Variants in AGBL1 observed in about 807,000 individuals in gnomAD.
The protein encoded by AGBL1 is cytosolic carboxypeptidase 4.
AGBL1 carries 130 observed loss-of-function variants against 118.9 expected under a neutral mutation model. The ratio of observed to expected loss-of-function variants is 1.09; its 90% CI spans 0.95 to 1.26. AGBL1 has a LOEUF of 1.26. Among genes scored for constraint, AGBL1 ranks in the 50% most tolerant of loss-of-function variants. AGBL1 has a pLI of 0.00. For synonymous variants in AGBL1, 555 were observed against 478.9 expected, an observed-to-expected ratio of 1.16 and a Z score of -2.08; for missense variants, 1,584 against 1,298.1, an observed-to-expected ratio of 1.22 and a Z score of -3.38.
intron 18 of AGBL1, among the ~76,000 whole-genome samples, chr15:86,510,312 C>A (rs983340275): frequency 6.6e-6 from 1 of 151,218 alleles, no homozygotes; most frequent in Non-Finnish European, 1.5e-5. Flanking sequence ...TCTAGAGACA[C>A]ATTTTGGCTT....
chr15:86,968,546 A>C (rs145574884), intron 23 of AGBL1, among the ~76,000 whole-genome samples: 334 of 151,978 alleles, frequency 2.2e-3, no homozygotes, highest in African/African-American at 7.7e-3. Flanking sequence ...TCTTGGAAGC[A>C]AAATGATCTT....
intron 24 of AGBL1, among the ~76,000 whole-genome samples, chr15:86,991,850 A>T (rs1436243074): frequency 6.6e-6 from 1 of 152,210 alleles, no homozygotes; most frequent in African/African-American, 2.4e-5. Flanking sequence ...AGGACTTGGA[A>T]TCAAGCATTT....
At chr15:86,848,661 G>A (rs1045346647) in intron 22 of AGBL1, among the ~76,000 whole-genome samples, 2 of 152,142 alleles carry the variant, frequency 1.3e-5, no homozygotes, top group African/African-American at 2.4e-5. Flanking sequence ...CCAATAGGCA[G>A]CAATGAGAGT....
At chr15:86,812,530 C>T (rs1198967128) in intron 22 of AGBL1, among the ~76,000 whole-genome samples, 1 of 152,154 alleles carries the variant, frequency 6.6e-6, no homozygotes, top group East Asian at 1.9e-4. Context: ...ATCAGGATAT[C>T]CTGTATTTCC....
chr15:86,510,610 G>T (rs1411805085), intron 18 of AGBL1, among the ~76,000 whole-genome samples: 1 of 152,052 alleles, frequency 6.6e-6, no homozygotes, highest in Non-Finnish European at 1.5e-5. Context: ...TAATGTTAAT[G>T]ATTTGGAACA....
At chr15:86,522,126 G>C (rs2083197089) in intron 18 of AGBL1, among the ~76,000 whole-genome samples, 1 of 152,066 alleles carries the variant, frequency 6.6e-6, no homozygotes, top group African/African-American at 2.4e-5. Flanking sequence ...TGGTACTTTT[G>C]AATACGAACA....
At chr15:86,202,330 A>G (rs374830022) in intron 5 of AGBL1, among the ~76,000 whole-genome samples, 7 of 152,110 alleles carry the variant, frequency 4.6e-5, no homozygotes, top group African/African-American at 1.7e-4. Context: ...TGTGTTAGGC[A>G]CAGGAGGAAG....
intron 22 of AGBL1, among the ~76,000 whole-genome samples, chr15:86,681,695 T>G (rs759971413): frequency 6.6e-6 from 1 of 152,228 alleles, no homozygotes; most frequent in Non-Finnish European, 1.5e-5. Flanking sequence ...TAAGCCCTTT[T>G]ATGGTCTAGC....
At chr15:86,095,217 T>A (rs549173821) in intron 1 of AGBL1, among the ~76,000 whole-genome samples, 9 of 152,310 alleles carry the variant, frequency 5.9e-5, no homozygotes, top group Non-Finnish European at 1.2e-4. Context: ...GGAAGTACTC[T>A]GAACCCCATC....
intron 1 of AGBL1, among the ~76,000 whole-genome samples, chr15:86,112,578 T>A (rs943518558): frequency 7.2e-5 from 11 of 152,226 alleles, no homozygotes; most frequent in African/African-American, 2.4e-4. Context: ...GCAAATAAGA[T>A]GTTTGTCTCC....
intron 17 of AGBL1, among the ~76,000 whole-genome samples, chr15:86,389,500 G>C (rs1226096021): frequency 6.6e-6 from 1 of 152,184 alleles, no homozygotes; most frequent in East Asian, 1.9e-4. Flanking sequence ...ACTGCCAGCA[G>C]ATTCATATCA....
At chr15:86,330,782 CAG>C (rs79933903) in intron 17 of AGBL1, among the ~76,000 whole-genome samples, 24,976 of 151,952 alleles carry the variant, frequency 0.16, 2,311 homozygotes, top group South Asian at 0.2. Context: ...AGAAATCAAT[CAG>C]AGTTTCTGGA....
chr15:86,997,613 G>A (rs1013766581), intron 24 of AGBL1, among the ~76,000 whole-genome samples: 4 of 152,070 alleles, frequency 2.6e-5, no homozygotes, highest in African/African-American at 7.2e-5. Flanking sequence ...TATCCTCTAG[G>A]CCTAGAGTCT....
chr15:86,742,868 C>A (rs2077699993), intron 22 of AGBL1, among the ~76,000 whole-genome samples: 1 of 152,160 alleles, frequency 6.6e-6, no homozygotes. Flanking sequence ...CAGAAGCCTA[C>A]AGGTAGCTTA....
intron 22 of AGBL1, among the ~76,000 whole-genome samples, chr15:86,757,738 C>T (rs1002907169): frequency 6.6e-6 from 1 of 152,066 alleles, no homozygotes; most frequent in Non-Finnish European, 1.5e-5. Flanking sequence ...TTTCTTTCCT[C>T]CCGCTGGTCC....
chr15:86,347,525 G>T (rs2080557114), intron 17 of AGBL1, among the ~76,000 whole-genome samples: 1 of 152,206 alleles, frequency 6.6e-6, no homozygotes, highest in Non-Finnish European at 1.5e-5. Context: ...CGCAAGAAAT[G>T]AACTTTTTCT....
At chr15:86,794,073 A>G (rs943469733) in intron 22 of AGBL1, among the ~76,000 whole-genome samples, 1 of 152,244 alleles carries the variant, frequency 6.6e-6, no homozygotes, top group African/African-American at 2.4e-5. Context: ...TAAAATTACC[A>G]CATGACACAG....
At chr15:86,843,713 GA>G (rs1421471857) in intron 22 of AGBL1, among the ~76,000 whole-genome samples, 1 of 152,094 alleles carries the variant, frequency 6.6e-6, no homozygotes, top group Non-Finnish European at 1.5e-5. Flanking sequence ...ATATACTGAA[GA>G]TTTTTTTTAG....
chr15:86,834,907 C>T (rs746544351), intron 22 of AGBL1, among the ~76,000 whole-genome samples: 1 of 152,008 alleles, frequency 6.6e-6, no homozygotes, highest in Non-Finnish European at 1.5e-5. Context: ...AGGATAAATT[C>T]TTCTTCTTTC....
Sources: allele counts gnomAD v4.1 joint callset (sites outside exome capture counted in the v4.1 genomes callset), GRCh38; gene constraint gnomAD v4.1.1; transcripts MANE v1.5; gene names NCBI Gene and HGNC (gene_info 2026-07-23, HGNC 2026-07-21).